Variants in SH3BGRL3 observed in about 807,000 individuals in gnomAD.
The protein encoded by SH3BGRL3 is SH3 domain-binding glutamic acid-rich-like protein 3.
Under a neutral mutation model 11.9 loss-of-function variants are expected in SH3BGRL3, and 8 were observed. The ratio of observed to expected loss-of-function variants is 0.67; its 90% CI spans 0.40 to 1.22. SH3BGRL3 has a LOEUF of 1.22. SH3BGRL3 is among the 50% of genes most tolerant of loss of function. SH3BGRL3 has a pLI of 0.01. For synonymous variants in SH3BGRL3, 55 were observed against 52.3 expected, an observed-to-expected ratio of 1.05 and a Z score of -0.22; for missense variants, 119 against 120.1, an observed-to-expected ratio of 0.99 and a Z score of 0.04.
chr1:26,280,334 A>G, intron 1 of SH3BGRL3, 131 bp downstream of exon 1: 4 of 1,142,420 alleles, frequency 3.5e-6, no homozygotes, highest in Non-Finnish European at 4.8e-6. Context: ...GGTGCTGGGC[A>G]CGGTCTCCCG....
At chr1:26,280,284 C>G in intron 1 of SH3BGRL3, 81 bp downstream of exon 1, 1 of 1,404,756 alleles carries the variant, frequency 7.1e-7, no homozygotes, top group East Asian at 2.8e-5. Flanking sequence ...CCGGGACCCA[C>G]CCCCAGGACG....
At position 26,280,208 on chromosome 1, in the gene SH3BGRL3, G is replaced by A; in HGVS notation, c.48+5G>A. The A allele has an allele frequency of 6.5e-7, 1 of 1,532,436 alleles. No homozygotes were observed. Among genetic ancestry groups the A allele is most frequent in the African/African-American group, 1.4e-5 (1 of 71,046 alleles). The allele number at this position is 1,532,436 out of a possible 1,614,324, so 94.9% of individuals were successfully genotyped here. On this transcript the variant is annotated splice_donor_5th_base_variant and intron_variant, in intron 1 of 2. Transcript: ENST00000270792. ...TCGGTCACCGGCTCCCGCGAAGTAA[G>A]TGCGCGCCCGGACTGGCGCTGGGGG...
At position 26,281,372 on chromosome 1, in the gene SH3BGRL3, C is replaced by G. The variant is rs1252431937; in HGVS notation, c.*249C>G. On this transcript the variant is annotated 3_prime_UTR_variant, in exon 3 of 3. Transcript: ENST00000270792. The stretch of plus-strand genomic sequence containing the variant: ...AGCAACAGCCCCAAATGCTGGCTGC[C>G]CCCAGCCAAGCATTGGGGCCGCCAT... 1 of 445,718 alleles carries G rather than the reference C, an allele frequency of 2.2e-6. No individual in the cohort carries two copies. Among genetic ancestry groups the G allele is most frequent in the South Asian group, 3.2e-5 (1 of 31,236 alleles). The allele number at this position is 445,718 out of a possible 1,614,324, so 27.6% of individuals were successfully genotyped here.
rs931375646 is a variant in SH3BGRL3 at position 26,281,341 on chromosome 1, G to A, written c.*218G>A. 3 of 503,506 alleles carry A rather than the reference G, an allele frequency of 6.0e-6. No individual in the cohort carries two copies. Among genetic ancestry groups the A allele is most frequent in the African/African-American group, 5.7e-5 (3 of 52,310 alleles). The allele number at this position is 503,506 out of a possible 1,614,324, so 31.2% of individuals were successfully genotyped here. A position where few individuals can be genotyped will look rare whatever the true frequency, so the allele number is the denominator to read the frequency against. On this transcript the variant is annotated 3_prime_UTR_variant, in exon 3 of 3. Coordinates refer to ENST00000270792, the MANE Select transcript of SH3BGRL3 (RefSeq NM_031286.4). ...TCCTTACCCATTAGTCTCAGAAATT[G>A]TCTTAAGCAACAGCCCCAAATGCTG...
Position 26,280,165 on chromosome 1 carries a change from C to T in SH3BGRL3, c.10C>T (p.Leu4=). ...TCTGTCTACCCCCAGCATGAGCGGCCTGCGCGTCTACAGCACGTCGGTCAC... is the reference window on the plus strand; with the variant it reads ...TCTGTCTACCCCCAGCATGAGCGGCTTGCGCGTCTACAGCACGTCGGTCAC... MSG[L]RVYSTSVTGS... is the part of the protein sequence containing the mutation. The change falls in exon 1 of 3, where the codon CTG becomes TTG. Residue 4 remains leucine (L), a synonymous_variant. Transcript: ENST00000270792. 6.4e-7 allele frequency: 1 copy of T among 1,565,794 alleles called. No homozygotes were observed. The highest frequency in any genetic ancestry group is 8.6e-7 in the Non-Finnish European group (1 of 1,157,906).
rs2072982350 is a variant in SH3BGRL3, at chr1:26,281,508, C to T, written c.*385C>T. 1 of 203,782 alleles carries T rather than the reference C, an allele frequency of 4.9e-6. No homozygotes were observed. Among genetic ancestry groups the T allele is most frequent in the Admixed American group, 5.2e-5 (1 of 19,148 alleles). 12.6% of individuals were successfully genotyped at this position (203,782 alleles called of 1,614,324 possible). ...GACCCTAGAGGCAATTAAATGATGT[C>T]CTGTTCCATTGGCACTGTGTCTGGT... On this transcript the variant is annotated 3_prime_UTR_variant, in exon 3 of 3. Coordinates refer to ENST00000270792, the MANE Select transcript of SH3BGRL3 (RefSeq NM_031286.4).
At chr1:26,280,733 T>C in intron 1 of SH3BGRL3, 32 bp from the exon 2 acceptor site, 2 of 1,609,844 alleles carry the variant, frequency 1.2e-6, no homozygotes, top group South Asian at 1.1e-5. Context: ...CTCCAGCCTA[T>C]CCACTAACCC....
At chr1:26,280,344 G>A (rs1338201966) in intron 1 of SH3BGRL3, 141 bp downstream of exon 1, 2 of 1,070,100 alleles carry the variant, frequency 1.9e-6, no homozygotes, top group African/African-American at 3.3e-5. Flanking sequence ...ACGGTCTCCC[G>A]GACCCGGTCC....
rs1557676245 is a variant in SH3BGRL3 at position 26,281,168 on chromosome 1, TC to T, written c.*51del. 1.9e-6 allele frequency: 3 copies of T among 1,583,548 alleles called. No homozygotes were observed. The highest frequency in any genetic ancestry group is 2.3e-5 in the East Asian group (1 of 44,218). ...CCCCTGCTGGACTCCATCACCACACTCCCCCCAGCCTTCACCTGGCCATGAA... is the reference window on the plus strand; with the variant it reads ...CCCCTGCTGGACTCCATCACCACACTCCCCCAGCCTTCACCTGGCCATGAA... On this transcript the variant is annotated 3_prime_UTR_variant, in exon 3 of 3. Transcript: ENST00000270792.
In SH3BGRL3 at chr1:26,281,149, C is replaced by T; in HGVS notation, c.*26C>T. On this transcript the variant is annotated 3_prime_UTR_variant, in exon 3 of 3. Coordinates refer to ENST00000270792, the MANE Select transcript of SH3BGRL3 (RefSeq NM_031286.4). ...GTCAAGCCTGTCCAGAGTTCCCCTG[C>T]TGGACTCCATCACCACACTCCCCCC... 1 of 1,609,232 alleles carries T rather than the reference C, an allele frequency of 6.2e-7. No individual in the cohort carries two copies. Among genetic ancestry groups the T allele is most frequent in the Non-Finnish European group, 8.5e-7 (1 of 1,177,030 alleles).
In SH3BGRL3 at chr1:26,280,809, G is replaced by A. The variant is rs1307965543; in HGVS notation, c.93G>A (p.Lys31=). 6.2e-7 allele frequency: 1 copy of A among 1,614,076 alleles called. No individual in the cohort carries two copies. The highest frequency in any genetic ancestry group is 1.1e-5 in the South Asian group (1 of 91,086). The part of the protein sequence containing the change: ...QSEVTRILDG[K]RIQYQLVDIS... ...AGGTGACCCGAATCCTGGATGGGAA[G>A]CGCATCCAATACCAGCTAGTGGACA... The change falls in exon 2 of 3, where the codon AAG becomes AAA. Residue 31 remains lysine, a synonymous_variant. Coordinates refer to ENST00000270792, the MANE Select transcript of SH3BGRL3 (RefSeq NM_031286.4).
intron 1 of SH3BGRL3, among the ~76,000 whole-genome samples, chr1:26,280,551 ACC>A (rs1344462733): frequency 8.2e-6 from 1 of 121,730 alleles, no homozygotes; most frequent in Non-Finnish European, 1.7e-5. Flanking sequence ...CTTCACTCTG[ACC>A]CCCTCCCCCG....
chr1:26,280,641 C>G (rs2072967178), intron 1 of SH3BGRL3, 124 bp from the exon 2 acceptor site: 1 of 1,178,268 alleles, frequency 8.5e-7, no homozygotes, highest in Admixed American at 1.9e-5. Context: ...CCAGAACCCT[C>G]CCCTAGTGTG....
Position 26,281,039 on chromosome 1 carries a change from C to T in SH3BGRL3, c.217-19C>T. The stretch of plus-strand genomic sequence containing the variant: ...GCCCCCTGCATTCAGGTGACCACCC[C>T]TCGCCTCCCCTTCTCCAGGACTATG... On this transcript the variant is annotated intron_variant, in intron 2 of 2. Transcript: ENST00000270792. 1.9e-6 allele frequency: 3 copies of T among 1,613,422 alleles called. No individual in the cohort carries two copies. Among genetic ancestry groups the T allele is most frequent in the South Asian group, 1.1e-5 (1 of 91,008 alleles).
intron 1 of SH3BGRL3, among the ~76,000 whole-genome samples, chr1:26,280,468 A>G (rs1224669099): frequency 2.0e-5 from 3 of 151,016 alleles, no homozygotes; most frequent in African/African-American, 7.3e-5. Flanking sequence ...CACTCCCACT[A>G]CCGGGCTGAC....
chr1:26,280,118 C>T lies in SH3BGRL3; in HGVS notation c.-38C>T, dbSNP rs1189023612. On this transcript the variant is annotated 5_prime_UTR_variant, in exon 1 of 3. Transcript: ENST00000270792. ...CCCGGCAGTGCAGCTGCCGCTACCG[C>T]CGCCCTCTGCCCGCCGGCCCGTCTG... The T allele has an allele frequency of 1.3e-6, 2 of 1,550,266 alleles. No homozygotes were observed. The highest frequency in any genetic ancestry group is 8.7e-7 in the Non-Finnish European group (1 of 1,147,784).
Position 26,281,448 on chromosome 1 carries a change from C to T in SH3BGRL3, c.*325C>T, listed in dbSNP as rs573668015. 1.3e-3 allele frequency: 363 copies of T among 284,526 alleles called. 2 individuals carry two copies. Among genetic ancestry groups the T allele is most frequent in the South Asian group, 3.3e-3 (60 of 17,930 alleles). The allele number at this position is 284,526 out of a possible 1,614,324, so 17.6% of individuals were successfully genotyped here. A position where few individuals can be genotyped will look rare whatever the true frequency, so the allele number is the denominator to read the frequency against. ...CCTCTGTTGGTTCCATCAGCCAGAG[C>T]TCTGCCAAAGGCCCCGCAGTCCCTC... On this transcript the variant is annotated 3_prime_UTR_variant, in exon 3 of 3. Transcript: ENST00000270792.
rs1201730161 is a variant in SH3BGRL3, at chr1:26,280,153, A to C, written c.-3A>C. The C allele has an allele frequency of 6.4e-7, 1 of 1,566,646 alleles. No individual in the cohort carries two copies. The highest frequency in any genetic ancestry group is 8.6e-7 in the Non-Finnish European group (1 of 1,157,664). On this transcript the variant is annotated 5_prime_UTR_variant, in exon 1 of 3. Coordinates refer to ENST00000270792, the MANE Select transcript of SH3BGRL3 (RefSeq NM_031286.4). ...CCCGCCGGCCCGTCTGTCTACCCCC[A>C]GCATGAGCGGCCTGCGCGTCTACAG...
Position 26,280,204 on chromosome 1 carries a change from G to T in SH3BGRL3, c.48+1G>T. The T allele has an allele frequency of 1.3e-5, 20 of 1,539,618 alleles. No homozygotes were observed. Among genetic ancestry groups the T allele is most frequent in the Non-Finnish European group, 1.7e-5 (20 of 1,146,486 alleles). On this transcript the variant is annotated splice_donor_variant, in intron 1 of 2. Transcript: ENST00000270792. LOFTEE classifies it high-confidence loss of function. The stretch of plus-strand genomic sequence containing the variant: ...CACGTCGGTCACCGGCTCCCGCGAA[G>T]TAAGTGCGCGCCCGGACTGGCGCTG...
Sources: allele counts gnomAD v4.1 joint callset (sites outside exome capture counted in the v4.1 genomes callset), GRCh38; gene constraint gnomAD v4.1.1; transcripts MANE v1.5; gene names NCBI Gene and HGNC (gene_info 2026-07-23, HGNC 2026-07-21).